MGAT4C: variants seen among roughly 807,000 people sequenced by gnomAD.
The protein encoded by MGAT4C is alpha-1,3-mannosyl-glycoprotein 4-beta-N-acetylglucosaminyltransferase C.
In MGAT4C, 19 loss-of-function variants were observed where a neutral mutation model predicts 40.1. The ratio of observed to expected loss-of-function variants is 0.47; its 90% CI spans 0.33 to 0.70. The LOEUF (loss-of-function observed/expected upper bound fraction) is 0.70, where lower values mean the gene tolerates loss of function less well. Ranked by LOEUF, MGAT4C falls within the 30% of genes least tolerant of loss-of-function variation. The pLI, the probability that MGAT4C is intolerant of heterozygous loss-of-function variation, is 0.02. For synonymous variants in MGAT4C, 181 were observed against 187.1 expected (o/e 0.97, Z 0.27); for missense variants, 491 against 563.2 (o/e 0.87, Z 1.30).
intron 2 of MGAT4C, among the ~76,000 whole-genome samples, chr12:86,029,056 T>C (rs916604266): frequency 4.6e-5 from 7 of 151,928 alleles, no homozygotes; most frequent in African/African-American, 1.7e-4. Flanking sequence ...AAAGACAAAA[T>C]ATAGTAAAAT....
rs563766183 is a variant in MGAT4C at position 86,518,302 on chromosome 12, C to T, written c.-228-83037G>A. ...ACAAATCAAGTCACAGCCTAGGATT[C>T]TGTATATTTGACCTTTGTACAAAAT... On this transcript the variant is annotated intron_variant, in intron 2 of 7. Coordinates refer to the MGAT4C transcript ENST00000548651. Among the ~76,000 whole-genome samples the T allele has an allele frequency of 3.3e-3, 496 of 152,200 alleles. 3 individuals carry two copies. Among genetic ancestry groups the T allele is most frequent in the African/African-American group, 0.011 (475 of 41,514 alleles).
chr12:86,826,853 AT>A (rs1354110067), intron 1 of MGAT4C, among the ~76,000 whole-genome samples: 1 of 151,388 alleles, frequency 6.6e-6, no homozygotes, highest in Non-Finnish European at 1.5e-5. Context: ...TGCTTTTATA[AT>A]TTTAGTCTAT....
intron 4 of MGAT4C, among the ~76,000 whole-genome samples, chr12:85,982,874 A>T (rs1592601344): frequency 6.6e-6 from 1 of 152,180 alleles, no homozygotes; most frequent in African/African-American, 2.4e-5. Flanking sequence ...AGACACAGAA[A>T]GACAAAGAGA....
chr12:86,342,990 A>G (rs908265751), intron 3 of MGAT4C, among the ~76,000 whole-genome samples: 2 of 152,188 alleles, frequency 1.3e-5, no homozygotes, highest in Non-Finnish European at 2.9e-5. Context: ...ATTCAAAAAA[A>G]CTAAAGAGTA....
At chr12:86,045,501 G>A (rs1892312609) in intron 2 of MGAT4C, among the ~76,000 whole-genome samples, 1 of 152,178 alleles carries the variant, frequency 6.6e-6, no homozygotes, top group African/African-American at 2.4e-5. Context: ...TCTTAATGGT[G>A]TGATTATCTT....
chr12:86,539,778 T>C (rs1959141019), intron 2 of MGAT4C, among the ~76,000 whole-genome samples: 1 of 152,256 alleles, frequency 6.6e-6, no homozygotes, highest in Non-Finnish European at 1.5e-5. Flanking sequence ...CCAGTTATGA[T>C]GAGCATTTTT....
chr12:86,828,247 A>C lies in MGAT4C; in HGVS notation c.-262+10419T>G, dbSNP rs12425143. ...ATTTTTAAGAGAAAATAACTTTTTCATGTAAAACAGGAAACAAGGAAAATA... is the reference window on the plus strand; with the variant it reads ...ATTTTTAAGAGAAAATAACTTTTTCCTGTAAAACAGGAAACAAGGAAAATA... On this transcript the variant is annotated intron_variant, in intron 1 of 7. Transcript: ENST00000548651. Among the ~76,000 whole-genome samples, 301 of 151,124 alleles carry C rather than the reference A, an allele frequency of 2.0e-3. 4 individuals carry two copies. The highest frequency in any genetic ancestry group is 0.017 in the Admixed American group (253 of 15,112).
chr12:86,328,579 C>A (rs1185793654), intron 4 of MGAT4C, among the ~76,000 whole-genome samples: 1 of 151,842 alleles, frequency 6.6e-6, no homozygotes, highest in South Asian at 2.1e-4. Flanking sequence ...CACCAAGAAA[C>A]ATCAAGTGGG....
chr12:86,801,849 C>T (rs1340665410), intron 1 of MGAT4C, among the ~76,000 whole-genome samples: 1 of 124,600 alleles, frequency 8.0e-6, no homozygotes, highest in Non-Finnish European at 2.0e-5. Context: ...ATAGGTAATA[C>T]AAAATGTTAA....
chr12:86,438,860 A>G lies in MGAT4C; in HGVS notation c.-228-3595T>C, dbSNP rs376522344. On this transcript the variant is annotated intron_variant, in intron 2 of 7. Transcript: ENST00000548651. Reference sequence around the variant, plus strand: ...AGATGAAACAGAACTTAAAGCAACAAAAGTAAAAAAAATAAAAAGACAAAG... The same window carrying G: ...AGATGAAACAGAACTTAAAGCAACAGAAGTAAAAAAAATAAAAAGACAAAG... Among the ~76,000 whole-genome samples, 14 of 152,016 alleles carry G rather than the reference A, an allele frequency of 9.2e-5. 1 individual carries two copies. The highest frequency in any genetic ancestry group is 3.4e-4 in the African/African-American group (14 of 41,524).
intron 4 of MGAT4C, among the ~76,000 whole-genome samples, chr12:86,279,000 A>G (rs1953147117): frequency 6.6e-6 from 1 of 152,250 alleles, no homozygotes; most frequent in Non-Finnish European, 1.5e-5. Flanking sequence ...GATAAATCTC[A>G]TGTGATCATA....
chr12:86,370,399 C>T (rs117122019), intron 3 of MGAT4C, among the ~76,000 whole-genome samples: 260 of 151,954 alleles, frequency 1.7e-3, no homozygotes, highest in Non-Finnish European at 3.2e-3. Flanking sequence ...TGAGTATATA[C>T]GATGTATGAG....
intron 1 of MGAT4C, among the ~76,000 whole-genome samples, chr12:86,739,518 A>G (rs1457021310): frequency 9.3e-5 from 14 of 150,826 alleles, no homozygotes; most frequent in South Asian, 2.1e-4. Flanking sequence ...CTGCAGATGT[A>G]AAATATTTGG....
intron 2 of MGAT4C, among the ~76,000 whole-genome samples, chr12:86,008,562 A>C (rs565608774): frequency 6.6e-6 from 1 of 152,132 alleles, no homozygotes; most frequent in Non-Finnish European, 1.5e-5. Flanking sequence ...TTTTTTTCCA[A>C]TCTCTAAGAC....
At chr12:86,805,352 C>T (rs1279901545) in intron 1 of MGAT4C, among the ~76,000 whole-genome samples, 2 of 151,808 alleles carry the variant, frequency 1.3e-5, no homozygotes, top group African/African-American at 2.4e-5. Context: ...AGGTATTCAA[C>T]CCCTGTTCCC....
At chr12:86,043,426 T>A (rs1452384919) in intron 2 of MGAT4C, among the ~76,000 whole-genome samples, 4 of 151,782 alleles carry the variant, frequency 2.6e-5, no homozygotes, top group Non-Finnish European at 5.9e-5. Flanking sequence ...GAACTTGGAG[T>A]CCAATGTTCA....
intron 4 of MGAT4C, among the ~76,000 whole-genome samples, chr12:86,278,179 T>C (rs1350031697): frequency 7.5e-5 from 1 of 13,318 alleles, no homozygotes; most frequent in African/African-American, 1.5e-4. Flanking sequence ...GTTGACTTCC[T>C]TTTTTTTTTT....
intron 1 of MGAT4C, among the ~76,000 whole-genome samples, chr12:86,062,746 A>C (rs1049947186): frequency 6.6e-6 from 1 of 151,870 alleles, no homozygotes; most frequent in Admixed American, 6.6e-5. Flanking sequence ...TCAATAGCCA[A>C]ATTGATCAAG....
chr12:86,307,939 G>A (rs900111285), intron 4 of MGAT4C, among the ~76,000 whole-genome samples: 6 of 150,468 alleles, frequency 4.0e-5, no homozygotes, highest in African/African-American at 1.0e-4. Context: ...TCCTGACCTC[G>A]TGATCCGCCC....
Sources: allele counts gnomAD v4.1 joint callset (sites outside exome capture counted in the v4.1 genomes callset), GRCh38; gene constraint gnomAD v4.1.1; transcripts MANE v1.5; gene names NCBI Gene and HGNC (gene_info 2026-07-23, HGNC 2026-07-21).